Variants in FAM151B observed in about 807,000 individuals in gnomAD.
FAM151B encodes protein FAM151B.
FAM151B carries 24 observed loss-of-function variants against 31.2 expected under a neutral mutation model. The ratio of observed to expected loss-of-function variants is 0.77; its 90% CI spans 0.56 to 1.08. FAM151B has a LOEUF of 1.08. Ranked by LOEUF, FAM151B falls within the 50% of genes least tolerant of loss-of-function variation. The pLI, the probability that FAM151B is intolerant of heterozygous loss-of-function variation, is 0.00. For missense variants in FAM151B, 293 were observed against 328.6 expected (o/e 0.89, Z 0.84); for synonymous variants, 105 against 111.4 (o/e 0.94, Z 0.36).
intron 5 of FAM151B, among the ~76,000 whole-genome samples, chr5:80,538,509 TTTC>T (rs1745695573): frequency 2.9e-5 from 3 of 104,888 alleles, no homozygotes; most frequent in Non-Finnish European, 3.7e-5. Flanking sequence ...CTTTCTTTTC[TTTC>T]TTTCCTTCCT....
chr5:80,489,057 C>A (rs1259270029), intron 1 of FAM151B, among the ~76,000 whole-genome samples: 3 of 152,132 alleles, frequency 2.0e-5, no homozygotes, highest in African/African-American at 4.8e-5. Flanking sequence ...TAAAATCCTG[C>A]ATCTTATACT....
intron 1 of FAM151B, among the ~76,000 whole-genome samples, chr5:80,494,456 T>TTTC (rs753640131): frequency 0.18 from 14,931 of 81,892 alleles, 1,338 homozygotes; most frequent in Non-Finnish European, 0.22. Flanking sequence ...TCTTTCTTTC[T>TTTC]TTTCTTTCTT....
At chr5:80,538,435 T>C (rs1403048717) in intron 5 of FAM151B, among the ~76,000 whole-genome samples, 24 of 57,820 alleles carry the variant, frequency 4.2e-4, no homozygotes, top group African/African-American at 2.1e-3. Context: ...TTTCTTTCTT[T>C]CTTTCTTTCT....
chr5:80,516,654 A>T (rs1328669189), intron 3 of FAM151B, among the ~76,000 whole-genome samples: 1 of 152,230 alleles, frequency 6.6e-6, no homozygotes, highest in Non-Finnish European at 1.5e-5. Flanking sequence ...TCTTCGGATG[A>T]TCATCTTGGT....
chr5:80,488,783 C>CT (rs1243052462), intron 1 of FAM151B, among the ~76,000 whole-genome samples: 2 of 152,176 alleles, frequency 1.3e-5, no homozygotes, highest in African/African-American at 2.4e-5. Flanking sequence ...ACCATTCTGA[C>CT]TAGCAGGCTG....
intron 5 of FAM151B, among the ~76,000 whole-genome samples, chr5:80,538,448 C>CTTTCTTTCTTTCTTTCTCTTTCTT (rs1235874356): frequency 2.0e-5 from 1 of 49,362 alleles, no homozygotes; most frequent in African/African-American, 9.8e-5. Context: ...TTCTTTCTTT[C>CTTTCTTTCTTTCTTTCTCTTTCTT]TCTTTCTTTC....
rs1743644936 is a variant in FAM151B, at chr5:80,498,982, T to G, written c.26-2810T>G. 3 of 203,952 alleles carry G rather than the reference T, an allele frequency of 1.5e-5. No homozygotes were observed. The South Asian group carries it at 2.7e-4, about 18-fold the overall frequency. 12.6% of individuals were successfully genotyped at this position (203,952 alleles called of 1,614,324 possible). On this transcript the variant is annotated intron_variant, in intron 1 of 5. Coordinates refer to ENST00000282226, the MANE Select transcript of FAM151B (RefSeq NM_205548.3). The stretch of plus-strand genomic sequence containing the variant: ...GAAGGGTTTTTACGAAATCTGCATT[T>G]TGGTGGCAGCTCCACCACAGATGGC...
At chr5:80,515,267 T>TAATA (rs1744383564) in intron 3 of FAM151B, among the ~76,000 whole-genome samples, 4 of 151,488 alleles carry the variant, frequency 2.6e-5, no homozygotes, top group East Asian at 1.9e-4. Context: ...AAATAAATAA[T>TAATA]AAAAAATCAT....
intron 1 of FAM151B, among the ~76,000 whole-genome samples, chr5:80,495,434 A>T (rs564982428): frequency 1.3e-5 from 2 of 152,346 alleles, no homozygotes; most frequent in East Asian, 1.9e-4. Flanking sequence ...AGGTAAAAAT[A>T]TCAACATTAA....
intron 5 of FAM151B, among the ~76,000 whole-genome samples, chr5:80,533,698 C>T (rs184560007): frequency 1.9e-4 from 24 of 126,728 alleles, no homozygotes; most frequent in African/African-American, 5.9e-4. Context: ...TGCAGTGAGC[C>T]GAGATCACAC....
intron 1 of FAM151B, among the ~76,000 whole-genome samples, chr5:80,497,965 T>C (rs143672946): frequency 6.6e-6 from 1 of 152,342 alleles, no homozygotes; most frequent in African/African-American, 2.4e-5. Context: ...TAAAAAGTGC[T>C]GTGGAAATAT....
rs776089650 is a variant in FAM151B, at chr5:80,538,448, CTCTTTCTTTCTTTCTT to C, written c.672-3202_672-3187del. On this transcript the variant is annotated intron_variant, in intron 5 of 5. Coordinates refer to ENST00000282226, the MANE Select transcript of FAM151B (RefSeq NM_205548.3). ...TCTTTCTTTCTTTCTTTCTTTCTTT[CTCTTTCTTTCTTTCTT>C]TCTTTCTTTCTTTCTTTCTTTCCTT... Among the ~76,000 whole-genome samples the C allele has an allele frequency of 2.9e-3, 145 of 49,326 alleles. 3 individuals carry two copies. Among genetic ancestry groups the C allele is most frequent in the African/African-American group, 9.1e-3 (92 of 10,150 alleles). The allele number at this position is 49,326 out of a possible 152,430, so 32.4% of individuals were successfully genotyped here.
At chr5:80,516,363 C>G (rs1171418374) in intron 3 of FAM151B, among the ~76,000 whole-genome samples, 1 of 152,132 alleles carries the variant, frequency 6.6e-6, no homozygotes, top group African/African-American at 2.4e-5. Flanking sequence ...TATCTGGAGT[C>G]TCAGCAAGCT....
intron 1 of FAM151B, chr5:80,501,014 T>C (rs1743720358): frequency 3.8e-6 from 2 of 532,628 alleles, no homozygotes; most frequent in Non-Finnish European, 6.7e-6. Context: ...CATTTTTATT[T>C]TATTTTATTT....
chr5:80,536,160 AGTTTTGTTTT>A (rs530043440), intron 5 of FAM151B, among the ~76,000 whole-genome samples: 6 of 141,976 alleles, frequency 4.2e-5, no homozygotes, highest in African/African-American at 7.5e-5. Context: ...AGTTTAGTTT[AGTTTTGTTTT>A]GTTTTGTTTT....
rs545217786 is a variant in FAM151B at position 80,501,672 on chromosome 5, C to A, written c.26-120C>A. 107 of 591,512 alleles carry A rather than the reference C, an allele frequency of 1.8e-4. 1 individual carries two copies. Among genetic ancestry groups the A allele is most frequent in the Middle Eastern group, 9.8e-4 (2 of 2,034 alleles). The allele number at this position is 591,512 out of a possible 1,614,324, so 36.6% of individuals were successfully genotyped here. A position where few individuals can be genotyped will look rare whatever the true frequency, so the allele number is the denominator to read the frequency against. ...ACCTTTTTACTATCTATCTATCTAT[C>A]TATATATATATATCACATAACAGCA... is the stretch of plus-strand genomic sequence containing the variant. On this transcript the variant is annotated intron_variant, in intron 1 of 5. Coordinates refer to ENST00000282226, the MANE Select transcript of FAM151B (RefSeq NM_205548.3).
chr5:80,535,300 A>G (rs1342550383), intron 5 of FAM151B, among the ~76,000 whole-genome samples: 4 of 152,200 alleles, frequency 2.6e-5, no homozygotes, highest in African/African-American at 9.6e-5. Context: ...AAGTTGTCCT[A>G]AGCAAAATGA....
At chr5:80,506,048 G>A (rs1440304805) in intron 2 of FAM151B, 53 of 986,224 alleles carry the variant, frequency 5.4e-5, no homozygotes, top group Admixed American at 1.8e-4. Flanking sequence ...GAGCCACCAC[G>A]CCCGGCCAAG....
intron 3 of FAM151B, among the ~76,000 whole-genome samples, chr5:80,516,967 G>C (rs926228417): frequency 6.6e-6 from 1 of 152,136 alleles, no homozygotes. Flanking sequence ...TGAGCAGTGT[G>C]GTGAAATCTG....
Sources: allele counts gnomAD v4.1 joint callset (sites outside exome capture counted in the v4.1 genomes callset), GRCh38; gene constraint gnomAD v4.1.1; transcripts MANE v1.5; gene names NCBI Gene and HGNC (gene_info 2026-07-23, HGNC 2026-07-21).